CCDC110: variants seen among roughly 807,000 people sequenced by gnomAD.
CCDC110 encodes the protein coiled-coil domain containing 110.
A neutral mutation model predicts 77.1 loss-of-function variants in CCDC110; 70 were observed. The ratio of observed to expected loss-of-function variants is 0.91; its 90% CI spans 0.75 to 1.11. The LOEUF is 1.11. Ranked by LOEUF, CCDC110 falls within the 50% of genes least tolerant of loss-of-function variation. The pLI, the probability that CCDC110 is intolerant of heterozygous loss-of-function variation, is 0.00. For missense variants in CCDC110, 868 were observed against 942.9 expected, an observed-to-expected ratio of 0.92 and a Z score of 1.04; for synonymous variants, 295 against 312.5, an observed-to-expected ratio of 0.94 and a Z score of 0.59.
Position 185,458,991 on chromosome 4 carries a change from A to C in CCDC110, c.1596T>G (p.Leu532=). 6.2e-7 allele frequency: 1 copy of C among 1,602,940 alleles called. No individual in the cohort carries two copies. The highest frequency in any genetic ancestry group is 1.1e-5 in the South Asian group (1 of 88,866). Residue 532 remains leucine (L), a synonymous_variant, in exon 6 of 7, where the codon CTT becomes CTG. Transcript: ENST00000307588. ...NKTLEEKNIQ[L]SLEKQQMMEA... is the part of the protein sequence containing the mutation. ...CCATCATTTGTTGCTTCTCTAAAGAAAGTTGTATATTTTTTTCCTCTAGAG... is the reference window on the plus strand; with the variant it reads ...CCATCATTTGTTGCTTCTCTAAAGACAGTTGTATATTTTTTTCCTCTAGAG...
chr4:185,460,284 A>C (rs1369869547), intron 5 of CCDC110, 46 bp from the exon 6 acceptor site: 8 of 1,401,926 alleles, frequency 5.7e-6, no homozygotes, highest in Non-Finnish European at 7.8e-6. Flanking sequence ...CATTTGCCAC[A>C]TGATAAAGCA....
chr4:185,457,825 A>G (rs1325075616), intron 6 of CCDC110: 2 of 1,391,098 alleles, frequency 1.4e-6, no homozygotes, highest in East Asian at 2.6e-5. Flanking sequence ...CCTAGGGAAA[A>G]AAAAAAGAAT....
chr4:185,462,663 T>TCTGCATTCGCAAAGC lies in CCDC110; in HGVS notation c.202_216dup (p.Ala68_Gln72dup). On this transcript the variant is annotated inframe_insertion, in exon 4 of 7. Coordinates refer to ENST00000307588, the MANE Select transcript of CCDC110 (RefSeq NM_152775.4). ...CATACCATGCTGACATTCTGCAAAG[T>TCTGCATTCGCAAAGC]CTGCATTCGCAAAGCCTGAAATGAT... 6.2e-7 allele frequency: 1 copy of TCTGCATTCGCAAAGC among 1,613,862 alleles called. No individual in the cohort carries two copies. The highest frequency in any genetic ancestry group is 8.5e-7 in the Non-Finnish European group (1 of 1,179,732).
chr4:185,471,610 A>C, intron 1 of CCDC110, 64 bp downstream of exon 1: 1 of 1,523,520 alleles, frequency 6.6e-7, no homozygotes, highest in Non-Finnish European at 8.8e-7. Context: ...CGCCTGCTGA[A>C]TGCCCTTCTG....
chr4:185,454,185 G>A lies in CCDC110; in HGVS notation c.2461+3941C>T, dbSNP rs148833272. On this transcript the variant is annotated intron_variant, in intron 6 of 6. Transcript: ENST00000307588. Reference sequence around the variant, plus strand: ...TACCAAAATTAGAGAGCAGGGTAAGGTGGAGGTTAGTTACTTGTAGGAAAT... The same window carrying A: ...TACCAAAATTAGAGAGCAGGGTAAGATGGAGGTTAGTTACTTGTAGGAAAT... Among the ~76,000 whole-genome samples, 792 of 152,246 alleles carry A rather than the reference G, an allele frequency of 5.2e-3. 9 individuals are homozygous for A. Among genetic ancestry groups the A allele is most frequent in the African/African-American group, 0.018 (752 of 41,524 alleles).
chr4:185,461,152 G>A lies in CCDC110; in HGVS notation c.245C>T (p.Ser82Leu), dbSNP rs146969771. 2.0e-5 allele frequency: 30 copies of A among 1,514,748 alleles called. No homozygotes were observed. The African/African-American group carries it at 2.5e-4, about 13-fold the overall frequency. The allele number at this position is 1,514,748 out of a possible 1,614,324, so 93.8% of individuals were successfully genotyped here. ...TTTGTTCAATATTTCACTGATTTCC[G>A]ACTGTACCTTTAAAAGATAAATTGA... ...QTLQNVSMVQ[S>L]EISEILNKSI... is the part of the protein sequence containing the mutation. Residue 82 changes from serine to leucine, a missense_variant, in exon 5 of 7, where the codon TCG (serine) becomes TTG (leucine). By Grantham distance (145) the Ser-to-Leu change is moderately radical. Transcript: ENST00000307588.
At chr4:185,446,322 G>C (rs941235572) in intron 6 of CCDC110, among the ~76,000 whole-genome samples, 2 of 152,166 alleles carry the variant, frequency 1.3e-5, no homozygotes, top group Non-Finnish European at 2.9e-5. Flanking sequence ...TGGGAAAGAA[G>C]ACTTCATAGT....
chr4:185,458,713 G>A lies in CCDC110; in HGVS notation c.1874C>T (p.Thr625Met), dbSNP rs762460720. 205 of 1,603,704 alleles carry A rather than the reference G, an allele frequency of 1.3e-4. No homozygotes were observed. Among genetic ancestry groups the A allele is most frequent in the East Asian group, 9.0e-4 (40 of 44,618 alleles). Residue 625 changes from threonine (T) to methionine (M), a missense_variant, in exon 6 of 7, where the codon ACG (threonine) becomes ATG (methionine). By Grantham distance (81) the Thr-to-Met change is moderately conservative (BLOSUM62 -1). Coordinates refer to ENST00000307588, the MANE Select transcript of CCDC110 (RefSeq NM_152775.4). ...TATTTGAAGAAGTGTCTCTTGTTCC[G>A]TTTTTGCCAATCTTTCTTTCTCTTT... ...QLKEKERLAK[T>M]EQETLLQIIE...
chr4:185,461,387 GT>G (rs1385619182), intron 4 of CCDC110, among the ~76,000 whole-genome samples: 1 of 152,136 alleles, frequency 6.6e-6, no homozygotes, highest in East Asian at 1.9e-4. Flanking sequence ...GTAAAACAAA[GT>G]TTTATGAACT....
Position 185,445,413 on chromosome 4 carries a change from G to A in CCDC110, c.*89C>T, listed in dbSNP as rs1332745113. On this transcript the variant is annotated 3_prime_UTR_variant, in exon 7 of 7. Transcript: ENST00000307588. ...TATAGCGCCTCATTATGAGTCATTT[G>A]AGATGAGTTAGATATGCATAGTTCA... is the stretch of plus-strand genomic sequence containing the variant. 7.4e-6 allele frequency: 7 copies of A among 947,114 alleles called. No individual in the cohort carries two copies. Among genetic ancestry groups the A allele is most frequent in the Non-Finnish European group, 1.2e-5 (7 of 608,320 alleles). The allele number at this position is 947,114 out of a possible 1,614,324, so 58.7% of individuals were successfully genotyped here.
chr4:185,449,592 T>G (rs2153317344), intron 6 of CCDC110: 2 of 1,534,392 alleles, frequency 1.3e-6, no homozygotes, highest in Non-Finnish European at 1.8e-6. Flanking sequence ...TTTTCCAATT[T>G]TAGGGCACTA....
rs2095640245 is a variant in CCDC110, at chr4:185,458,730, T to C, written c.1857A>G (p.Lys619=). 2 of 1,605,106 alleles carry C rather than the reference T, an allele frequency of 1.2e-6. No homozygotes were observed. Among genetic ancestry groups the C allele is most frequent in the Admixed American group, 1.7e-5 (1 of 58,514 alleles). The change falls in exon 6 of 7, where the codon AAA becomes AAG. Residue 619 remains lysine (K), a synonymous_variant. Transcript: ENST00000307588. ...SQLEIIQLKE[K]ERLAKTEQET... ...CTTGTTCCGTTTTTGCCAATCTTTC[T>C]TTCTCTTTTAGCTGGATTATCTCTA...
Position 185,458,144 on chromosome 4 carries a change from A to G in CCDC110, c.2443T>C (p.Leu815=). ...TGCGTACCTTTCAAATCCGAAGCCA[A>G]AGGCCTACTCTGAGGACTAGAAGTA... ...EDTSSPQSRP[L]ASDLKGYFKV... is the part of the protein sequence containing the mutation. The change falls in exon 6 of 7, where the codon TTG becomes CTG. Residue 815 remains leucine (L), a synonymous_variant. Transcript: ENST00000307588. 1 of 1,557,896 alleles carries G rather than the reference A, an allele frequency of 6.4e-7. No homozygotes were observed. Among genetic ancestry groups the G allele is most frequent in the East Asian group, 2.3e-5 (1 of 43,672 alleles).
Position 185,459,384 on chromosome 4 carries a change from T to G in CCDC110, c.1203A>C (p.Leu401=), listed in dbSNP as rs754906283. 21 of 1,611,888 alleles carry G rather than the reference T, an allele frequency of 1.3e-5. No individual in the cohort carries two copies. The East Asian group carries it at 1.8e-4, about 14-fold the overall frequency. The change falls in exon 6 of 7, where the codon CTA becomes CTC. Residue 401 remains leucine (L), a synonymous_variant. Coordinates refer to ENST00000307588, the MANE Select transcript of CCDC110 (RefSeq NM_152775.4). Reference sequence around the variant, plus strand: ...CAGATATTATTGATCCTTGTTTTACTAGAAATGGTTGTCTTTCTTTGTCTT... The same window carrying G: ...CAGATATTATTGATCCTTGTTTTACGAGAAATGGTTGTCTTTCTTTGTCTT... ...EMKDKERQPF[L]VKQGSIISEN...
intron 1 of CCDC110, 41 bp downstream of exon 1, chr4:185,471,633 C>G (rs2095668279): frequency 6.4e-7 from 1 of 1,551,310 alleles, no homozygotes; most frequent in African/African-American, 1.4e-5. Flanking sequence ...GCCCTCCGTT[C>G]CCGCGGCTCC....
In CCDC110 at chr4:185,445,507, G is replaced by T. The variant is rs745649959; in HGVS notation, c.2497C>A (p.His833Asn). 1.9e-6 allele frequency: 3 copies of T among 1,577,186 alleles called. No individual in the cohort carries two copies. The highest frequency in any genetic ancestry group is 1.4e-5 in the African/African-American group (1 of 73,816). ...FKVKDRTLKH[H>N] ...CTTAGCAATCTTGAGGAATCCTAAT[G>T]ATGCTTGAGAGTTCTGTCTTTAACT... The change falls in exon 7 of 7, where the codon CAT becomes AAT. Residue 833 changes from histidine (H) to asparagine (N), a missense_variant. Transcript: ENST00000307588.
At chr4:185,470,033 G>T (rs1223574460) in intron 2 of CCDC110, among the ~76,000 whole-genome samples, 1 of 152,128 alleles carries the variant, frequency 6.6e-6, no homozygotes, top group Non-Finnish European at 1.5e-5. Context: ...GTAGTCAGTC[G>T]CCTGGGACTC....
Position 185,470,997 on chromosome 4 carries a change from G to A in CCDC110, c.63C>T (p.Ser21=). 1.2e-6 allele frequency: 2 copies of A among 1,608,424 alleles called. No individual in the cohort carries two copies. The highest frequency in any genetic ancestry group is 1.7e-6 in the Non-Finnish European group (2 of 1,178,962). Residue 21 remains serine, a synonymous_variant, in exon 2 of 7, where the codon TCC becomes TCT. Coordinates refer to ENST00000307588, the MANE Select transcript of CCDC110 (RefSeq NM_152775.4). ...CCCCCTCCGAAGAATTTAGGATCTT[G>A]GACGCTGAAAGGAGAACGGAGTCAA... ...DEVDSVLLSA[S]KILNSSEGVK...
chr4:185,470,712 C>T (rs1314331652), intron 2 of CCDC110: 1 of 620,824 alleles, frequency 1.6e-6, no homozygotes, highest in Admixed American at 2.1e-5. Flanking sequence ...TGCCCGTTTC[C>T]TTATCTGCAA....
Sources: gnomAD v4.1 joint callset for allele counts (sites outside exome capture counted in the v4.1 genomes callset) on GRCh38, gnomAD v4.1.1 for gene constraint, MANE v1.5 for transcripts, NCBI Gene and HGNC (gene_info 2026-07-23, HGNC 2026-07-21) for gene names.